PID1: variants seen among roughly 807,000 people sequenced by gnomAD.
PID1 encodes PTB-containing, cubilin and LRP1-interacting protein.
In PID1, 10 loss-of-function variants were observed where a neutral mutation model predicts 19.1. That is an observed-to-expected ratio of 0.52 (90% CI 0.32 to 0.89). The LOEUF is 0.89. Among genes scored for constraint, PID1 ranks in the 40% least tolerant of loss-of-function variants. The pLI is 0.03. For missense variants in PID1, 248 were observed against 285.3 expected (o/e 0.87, Z 0.94); for synonymous variants, 130 against 116.0 (o/e 1.12, Z -0.78).
chr2:229,268,479 CCT>C (rs751065158), intron 1 of PID1, among the ~76,000 whole-genome samples: 1 of 152,120 alleles, frequency 6.6e-6, no homozygotes, highest in Non-Finnish European at 1.5e-5. Flanking sequence ...TCTTCCATCC[CCT>C]CTTTTGATTC....
intron 2 of PID1, among the ~76,000 whole-genome samples, chr2:229,041,719 A>G (rs749382012): frequency 2.6e-5 from 4 of 152,194 alleles, no homozygotes; most frequent in Non-Finnish European, 5.9e-5. Flanking sequence ...CAACTAAGTG[A>G]TAAAGTCATA....
At chr2:229,218,408 C>T (rs1168997069) in intron 1 of PID1, among the ~76,000 whole-genome samples, 2 of 151,278 alleles carry the variant, frequency 1.3e-5, no homozygotes. Context: ...TGTCCATATA[C>T]TGTCAAGTTG....
intron 1 of PID1, among the ~76,000 whole-genome samples, chr2:229,176,608 T>C (rs569966868): frequency 8.5e-5 from 13 of 152,384 alleles, no homozygotes; most frequent in African/African-American, 3.1e-4. Context: ...ATCTACTATG[T>C]TGTCTGTTGC....
chr2:229,062,266 G>A (rs1194095146), intron 2 of PID1, among the ~76,000 whole-genome samples: 2 of 151,858 alleles, frequency 1.3e-5, no homozygotes, highest in Non-Finnish European at 2.9e-5. Flanking sequence ...CATTCCTTCT[G>A]TGGCTAATTT....
intron 1 of PID1, among the ~76,000 whole-genome samples, chr2:229,233,108 G>A (rs748004573): frequency 1.3e-5 from 2 of 151,978 alleles, no homozygotes; most frequent in Admixed American, 6.6e-5. Context: ...GGCAGCGGAT[G>A]TTTTCATAAA....
intron 2 of PID1, among the ~76,000 whole-genome samples, chr2:229,105,417 G>T (rs761964151): frequency 4.6e-5 from 7 of 152,250 alleles, no homozygotes; most frequent in Non-Finnish European, 1.0e-4. Flanking sequence ...CCTCAAGAGA[G>T]AAGGAAACAG....
chr2:229,045,937 C>T (rs1693865868), intron 2 of PID1, among the ~76,000 whole-genome samples: 1 of 152,210 alleles, frequency 6.6e-6, no homozygotes, highest in African/African-American at 2.4e-5. Flanking sequence ...ATTGCTGAGG[C>T]TCACTCTGTG....
At chr2:229,042,953 G>T (rs1359129749) in intron 2 of PID1, among the ~76,000 whole-genome samples, 6 of 149,854 alleles carry the variant, frequency 4.0e-5, no homozygotes, top group East Asian at 3.9e-4. Context: ...AATTTTTTTT[G>T]AGAGAGAGAG....
At chr2:229,240,143 C>CA (rs746335138) in intron 1 of PID1, among the ~76,000 whole-genome samples, 22 of 152,096 alleles carry the variant, frequency 1.4e-4, no homozygotes, top group Non-Finnish European at 2.8e-4. Context: ...CAGATGCAAA[C>CA]AGATACATTG....
chr2:229,209,934 A>C (rs1691690556), intron 1 of PID1, among the ~76,000 whole-genome samples: 1 of 152,204 alleles, frequency 6.6e-6, no homozygotes, highest in African/African-American at 2.4e-5. Flanking sequence ...TAGCTCTATC[A>C]AGGAAAGGTT....
rs1192349277 is a variant in PID1 at position 229,184,576 on chromosome 2, C to T, written c.31-28612G>A. 1.8e-4 allele frequency among the ~76,000 whole-genome samples: 2 copies of T among 11,384 alleles called. 1 individual carries two copies. Among genetic ancestry groups the T allele is most frequent in the African/African-American group, 1.5e-3 (2 of 1,318 alleles). The allele number at this position is 11,384 out of a possible 152,430, so 7.5% of individuals were successfully genotyped here. The stretch of plus-strand genomic sequence containing the variant: ...ATATATCCCGTATATATATATATCC[C>T]GTATATATATATCCCGTATATATAT... On this transcript the variant is annotated intron_variant, in intron 1 of 2. Coordinates refer to ENST00000392055, the MANE Select transcript of PID1 (RefSeq NM_001100818.2).
intron 1 of PID1, among the ~76,000 whole-genome samples, chr2:229,169,042 A>ACT (rs1176311750): frequency 6.6e-6 from 1 of 151,952 alleles, no homozygotes; most frequent in Non-Finnish European, 1.5e-5. Flanking sequence ...CCCTCTCCTC[A>ACT]CTCTTGCCTT....
intron 1 of PID1, among the ~76,000 whole-genome samples, chr2:229,203,728 A>G (rs1481166701): frequency 2.0e-5 from 3 of 152,078 alleles, no homozygotes; most frequent in Non-Finnish European, 2.9e-5. Flanking sequence ...GTGAGTCATG[A>G]TCACCATCTA....
chr2:229,061,590 G>C (rs1694213313), intron 2 of PID1, among the ~76,000 whole-genome samples: 1 of 151,704 alleles, frequency 6.6e-6, no homozygotes, highest in Non-Finnish European at 1.5e-5. Flanking sequence ...ACTATTTGGG[G>C]TGTTTTATGG....
intron 1 of PID1, among the ~76,000 whole-genome samples, chr2:229,222,940 A>G (rs1007368549): frequency 6.6e-6 from 1 of 152,138 alleles, no homozygotes; most frequent in Non-Finnish European, 1.5e-5. Context: ...GAACCCTAAT[A>G]CACAGAACCA....
intron 2 of PID1, among the ~76,000 whole-genome samples, chr2:229,154,056 C>T (rs191823107): frequency 5.3e-5 from 8 of 152,250 alleles, no homozygotes; most frequent in South Asian, 2.1e-4. Context: ...ATGTACCTAA[C>T]GCCAGTTCTG....
intron 2 of PID1, among the ~76,000 whole-genome samples, chr2:229,085,989 A>G (rs1466059219): frequency 1.3e-5 from 2 of 152,148 alleles, no homozygotes; most frequent in Non-Finnish European, 2.9e-5. Flanking sequence ...GATTTCCTTA[A>G]AAGTCAATAT....
At chr2:229,118,236 A>C (rs1253534298) in intron 2 of PID1, among the ~76,000 whole-genome samples, 1 of 152,246 alleles carries the variant, frequency 6.6e-6, no homozygotes, top group African/African-American at 2.4e-5. Flanking sequence ...ATGTAGACAC[A>C]GAATAATGAC....
chr2:229,205,409 T>C (rs1691589433), intron 1 of PID1, among the ~76,000 whole-genome samples: 1 of 152,170 alleles, frequency 6.6e-6, no homozygotes. Context: ...TTAACACTTT[T>C]ATCTACCAAT....
Sources: gnomAD v4.1 joint callset for allele counts (sites outside exome capture counted in the v4.1 genomes callset) on GRCh38, gnomAD v4.1.1 for gene constraint, MANE v1.5 for transcripts, NCBI Gene and HGNC (gene_info 2026-07-23, HGNC 2026-07-21) for gene names.